Variants in UBE2Z observed in about 807,000 individuals in gnomAD.
The protein encoded by UBE2Z is ubiquitin conjugating enzyme E2 Z.
A neutral mutation model predicts 32.6 loss-of-function variants in UBE2Z; 10 were observed. The observed-to-expected ratio is 0.31, with a 90% CI of 0.19 to 0.52. UBE2Z has a LOEUF of 0.52. UBE2Z is among the 20% of genes least tolerant of loss of function. The pLI, the probability that UBE2Z is intolerant of heterozygous loss-of-function variation, is 0.97. For synonymous variants in UBE2Z, 183 were observed against 190.8 expected, an observed-to-expected ratio of 0.96 and a Z score of 0.34; for missense variants, 343 against 480.9, an observed-to-expected ratio of 0.71 and a Z score of 2.68.
chr17:48,910,422 A>G (rs1337034131), intron 1 of UBE2Z: 1 of 192,670 alleles, frequency 5.2e-6, no homozygotes, highest in African/African-American at 2.3e-5. Context: ...TTACTAAAAA[A>G]TCTTCATTTA....
intron 6 of UBE2Z, among the ~76,000 whole-genome samples, chr17:48,924,768 C>T (rs997866131): frequency 1.4e-5 from 2 of 145,456 alleles, no homozygotes; most frequent in African/African-American, 2.5e-5. Context: ...AATGCTTGAA[C>T]CTGGGAGGCA....
chr17:48,912,489 G>T, intron 2 of UBE2Z: 1 of 235,920 alleles, frequency 4.2e-6, no homozygotes, highest in African/African-American at 2.2e-5. Flanking sequence ...TCCATTATAT[G>T]TAACACTGAT....
chr17:48,908,949 CA>C, intron 1 of UBE2Z, 129 bp downstream of exon 1: 1 of 637,290 alleles, frequency 1.6e-6, no homozygotes, highest in East Asian at 4.3e-5. Flanking sequence ...CTCCACGGCC[CA>C]AATCTTGCCA....
At chr17:48,920,542 G>A (rs566825882) in intron 4 of UBE2Z, among the ~76,000 whole-genome samples, 28 of 151,842 alleles carry the variant, frequency 1.8e-4, no homozygotes, top group Non-Finnish European at 3.4e-4. Context: ...CCATGGTGAC[G>A]AATGTCTTTA....
chr17:48,910,993 C>G (rs2040673130), intron 2 of UBE2Z, 113 bp downstream of exon 2: 1 of 892,688 alleles, frequency 1.1e-6, no homozygotes, highest in Non-Finnish European at 1.9e-6. Flanking sequence ...ATGAAGAAAT[C>G]AAGACCCCAG....
chr17:48,917,990 G>A (rs140535994), intron 4 of UBE2Z, among the ~76,000 whole-genome samples: 1 of 152,312 alleles, frequency 6.6e-6, no homozygotes, highest in African/African-American at 2.4e-5. Context: ...AGGCTGGAGT[G>A]TAATGGCACA....
intron 6 of UBE2Z, among the ~76,000 whole-genome samples, chr17:48,926,133 C>T (rs1417578860): frequency 6.6e-6 from 1 of 152,080 alleles, no homozygotes. Flanking sequence ...GAGCAATGCC[C>T]AGAAACCTGG....
intron 2 of UBE2Z, 169 bp from the exon 3 acceptor site, chr17:48,912,665 C>A: frequency 1.5e-6 from 1 of 654,348 alleles, no homozygotes. Flanking sequence ...TCCAAACCTA[C>A]GTATTAGTAT....
At chr17:48,916,375 C>T (rs1384669526) in intron 4 of UBE2Z, among the ~76,000 whole-genome samples, 188 bp downstream of exon 4, 1 of 150,434 alleles carries the variant, frequency 6.6e-6, no homozygotes, top group Non-Finnish European at 1.5e-5. Flanking sequence ...GTCTCAGCCT[C>T]CCAAGTAGCT....
intron 6 of UBE2Z, among the ~76,000 whole-genome samples, chr17:48,924,848 A>AG (rs1359949745): frequency 5.3e-5 from 8 of 150,108 alleles, no homozygotes; most frequent in Non-Finnish European, 7.4e-5. Flanking sequence ...TCTGTCTCAA[A>AG]AAAAAAAAAA....
At chr17:48,926,815 C>G in intron 6 of UBE2Z, 149 bp from the exon 7 acceptor site, 1 of 811,502 alleles carries the variant, frequency 1.2e-6, no homozygotes, top group Non-Finnish European at 1.9e-6. Flanking sequence ...GTTATTTTGC[C>G]TGCTGTTTGG....
At chr17:48,916,034 C>A in intron 3 of UBE2Z, 42 bp from the exon 4 acceptor site, 1 of 1,441,008 alleles carries the variant, frequency 6.9e-7, no homozygotes, top group Non-Finnish European at 9.5e-7. Context: ...GTTCCCTATT[C>A]TTTCTCTGCC....
In UBE2Z at chr17:48,908,829, G is replaced by A. The variant is rs1335749250; in HGVS notation, c.317+9G>A. 2 of 1,489,272 alleles carry A rather than the reference G, an allele frequency of 1.3e-6. No homozygotes were observed. The highest frequency in any genetic ancestry group is 2.9e-5 in the East Asian group (1 of 34,998). The allele number at this position is 1,489,272 out of a possible 1,614,324, so 92.3% of individuals were successfully genotyped here. Reference sequence around the variant, plus strand: ...CTACTCCGGATCAAGCGGTGAGCCGGGGTTTTTCCTCCCCCAGCCCCGAGC... The same window carrying A: ...CTACTCCGGATCAAGCGGTGAGCCGAGGTTTTTCCTCCCCCAGCCCCGAGC... On this transcript the variant is annotated intron_variant, in intron 1 of 6. Coordinates refer to ENST00000360943, the MANE Select transcript of UBE2Z (RefSeq NM_023079.5).
intron 6 of UBE2Z, among the ~76,000 whole-genome samples, chr17:48,926,542 C>T (rs564053544): frequency 1.3e-5 from 2 of 148,806 alleles, no homozygotes; most frequent in East Asian, 2.0e-4. Context: ...ATGGTGCGAT[C>T]TCGATCTCAG....
rs2040671924 is a variant in UBE2Z at position 48,910,832 on chromosome 17, G to T, written c.342G>T (p.Glu114Asp). 6.2e-7 allele frequency: 1 copy of T among 1,613,192 alleles called. No individual in the cohort carries two copies. The highest frequency in any genetic ancestry group is 1.3e-5 in the African/African-American group (1 of 74,796). The part of the protein sequence containing the change: ...IKRDIMSIYK[E>D]PPPGMFVVPD... ...GGGATATCATGTCCATTTATAAGGA[G>T]CCTCCTCCAGGAATGTTCGTTGTAC... is the stretch of plus-strand genomic sequence containing the variant. Residue 114 changes from glutamate (E) to aspartate (D), a missense_variant, in exon 2 of 7, where the codon GAG (glutamate) becomes GAT (aspartate). Physicochemically the swap from Glu to Asp is conservative, Grantham distance 45 (BLOSUM62 2). Around this residue, in one of 4 missense-constraint regions of UBE2Z, gnomAD observed 182 missense variants for 312.4 expected, o/e 0.58. Transcript: ENST00000360943.
rs1201204532 is a variant in UBE2Z, at chr17:48,927,165, A to G, written c.*31A>G. The G allele has an allele frequency of 6.2e-7, 1 of 1,609,682 alleles. No homozygotes were observed. Among genetic ancestry groups the G allele is most frequent in the South Asian group, 1.1e-5 (1 of 90,620 alleles). On this transcript the variant is annotated 3_prime_UTR_variant, in exon 7 of 7. Transcript: ENST00000360943. ...GCTCCCATCTCCCCTTCCCCCACTCAAGAGTCCCAGCAGAATCCCTTCCCC... is the reference window on the plus strand; with the variant it reads ...GCTCCCATCTCCCCTTCCCCCACTCGAGAGTCCCAGCAGAATCCCTTCCCC...
rs571707962 is a variant in UBE2Z, at chr17:48,921,799, C to A, written c.803+527C>A. ...ATCCTAGTACTTTGGGAGGCTGAGG[C>A]GGGAGGATCACTTGAGCCCAAGAGT... On this transcript the variant is annotated intron_variant, in intron 5 of 6. Transcript: ENST00000360943. Among the ~76,000 whole-genome samples the A allele has an allele frequency of 6.0e-4, 91 of 151,890 alleles. 2 individuals are homozygous for A. The South Asian group carries it at 0.014, about 24-fold the overall frequency.
At chr17:48,926,724 G>A (rs2040801134) in intron 6 of UBE2Z, among the ~76,000 whole-genome samples, 1 of 151,962 alleles carries the variant, frequency 6.6e-6, no homozygotes, top group Non-Finnish European at 1.5e-5. Flanking sequence ...CAGGTGATCC[G>A]CCCGCCTCGG....
At chr17:48,911,666 ATTTT>A (rs958951858) in intron 2 of UBE2Z, 1 of 149,052 alleles carries the variant, frequency 6.7e-6, no homozygotes, top group Admixed American at 6.7e-5. Context: ...TTCCCTTCAT[ATTTT>A]TTTTTTATGT....
Sources: allele counts gnomAD v4.1 joint callset (sites outside exome capture counted in the v4.1 genomes callset), GRCh38; gene constraint gnomAD v4.1.1; regional missense constraint gnomAD v4.1.1; transcripts MANE v1.5; gene names NCBI Gene and HGNC (gene_info 2026-07-23, HGNC 2026-07-21).